Variants in C2orf92 observed in about 807,000 individuals in gnomAD.
C2orf92 encodes chromosome 2 open reading frame 92, also known as uncharacterized protein C2orf92.
intron 2 of C2orf92, 39 bp downstream of exon 2, chr2:97,674,596 C>G (rs1001877867): frequency 2.5e-6 from 1 of 398,358 alleles, no homozygotes; most frequent in African/African-American, 2.1e-5. Flanking sequence ...GTACATACCT[C>G]TACAGACCTC....
chr2:97,671,835 C>G lies in C2orf92; in HGVS notation c.46+2001C>G, dbSNP rs1259835309. The stretch of plus-strand genomic sequence containing the variant: ...GAGCTGAACCTCCTCCAGGGGTTCT[C>G]AGCCCTAACTGAGCATGAAAACCCC... On this transcript the variant is annotated intron_variant, in intron 1 of 7. Coordinates refer to ENST00000627399, the MANE Select transcript of C2orf92 (RefSeq NM_001351368.2). 1.7e-5 allele frequency: 4 copies of G among 239,134 alleles called. No individual in the cohort carries two copies. In the Admixed American group the frequency reaches 1.7e-4, roughly 10 times the overall value. The allele number at this position is 239,134 out of a possible 1,614,324, so 14.8% of individuals were successfully genotyped here.
chr2:97,697,119 C>A (rs746830590), intron 5 of C2orf92: 1 of 152,100 alleles, frequency 6.6e-6, no homozygotes, highest in African/African-American at 2.4e-5. Flanking sequence ...CATGGAAGGA[C>A]GGGAGAATTG....
chr2:97,676,449 GA>G (rs58388976), intron 3 of C2orf92, among the ~76,000 whole-genome samples: 5,019 of 99,130 alleles, frequency 0.051, 279 homozygotes, highest in African/African-American at 0.16. Flanking sequence ...AAAAAAAAAA[GA>G]AAAAAAAAAA....
In C2orf92 at chr2:97,674,483, A is replaced by T. The variant is rs900088705; in HGVS notation, c.74A>T (p.Lys25Met). 2.5e-6 allele frequency: 1 copy of T among 398,514 alleles called. No individual in the cohort carries two copies. Among genetic ancestry groups the T allele is most frequent in the Non-Finnish European group, 4.4e-6 (1 of 226,082 alleles). 24.7% of individuals were successfully genotyped at this position (398,514 alleles called of 1,614,324 possible). A position where few individuals can be genotyped will look rare whatever the true frequency, so the allele number is the denominator to read the frequency against. Residue 25 changes from lysine (K) to methionine (M), a missense_variant, in exon 2 of 8, where the codon AAG becomes ATG. Physicochemically the swap from Lys to Met is moderately conservative, Grantham distance 95 (BLOSUM62 -1). Coordinates refer to ENST00000627399, the MANE Select transcript of C2orf92 (RefSeq NM_001351368.2). The stretch of plus-strand genomic sequence containing the variant: ...GAAATTGTGCTCCAAGTGTTTTCCA[A>T]GGTTCCGTATGACCCATCATTTGAT... The part of the protein sequence containing the change: ...QDEIVLQVFS[K>M]VPYDPSFDET...
intron 1 of C2orf92, chr2:97,671,792 C>T (rs1352734138): frequency 6.7e-6 from 2 of 298,464 alleles, no homozygotes; most frequent in Non-Finnish European, 1.2e-5. Flanking sequence ...CCAGTTTCTG[C>T]TCTGAGGCCC....
upstream of C2orf92, chr2:97,667,112 C>T (rs1675256236): frequency 6.6e-6 from 1 of 151,906 alleles, no homozygotes; most frequent in South Asian, 2.1e-4. Flanking sequence ...ACTGTGTAGC[C>T]ATTAAAAATA....
rs998859371 is a variant in C2orf92 at position 97,702,762 on chromosome 2, A to C, written c.759A>C (p.Ala253=). ...AAGAAAAAAATTTCACAAAACTTGC[A>C]AAAAAACAGAAACAGTTGAAGAGCA... The part of the protein sequence containing the change: ...NSEEKNFTKL[A]KKQKQLKSSS... The change falls in exon 8 of 8, where the codon GCA becomes GCC. Residue 253 remains alanine, a synonymous_variant. Transcript: ENST00000627399. 1 of 398,852 alleles carries C rather than the reference A, an allele frequency of 2.5e-6. No homozygotes were observed. The highest frequency in any genetic ancestry group is 2.1e-5 in the African/African-American group (1 of 48,608). The allele number at this position is 398,852 out of a possible 1,614,324, so 24.7% of individuals were successfully genotyped here. A position where few individuals can be genotyped will look rare whatever the true frequency, so the allele number is the denominator to read the frequency against.
At chr2:97,694,493 C>G (rs1288439283) in intron 5 of C2orf92, 1 of 151,442 alleles carries the variant, frequency 6.6e-6, no homozygotes, top group Non-Finnish European at 1.5e-5. Flanking sequence ...ATCTCCTGAC[C>G]TCATGATCCG....
intron 5 of C2orf92, among the ~76,000 whole-genome samples, chr2:97,691,955 C>T (rs1676154862): frequency 6.6e-6 from 1 of 152,082 alleles, no homozygotes; most frequent in Admixed American, 6.6e-5. Context: ...GACTAGTTCC[C>T]CTTTTGCAGT....
intron 1 of C2orf92, among the ~76,000 whole-genome samples, chr2:97,673,166 T>A (rs992445542): frequency 6.6e-6 from 1 of 152,188 alleles, no homozygotes; most frequent in Non-Finnish European, 1.5e-5. Flanking sequence ...ATAGAACATT[T>A]TTACACAAGC....
At chr2:97,668,168 A>G (rs1675297977), upstream of C2orf92, 1 of 151,994 alleles carries the variant, frequency 6.6e-6, no homozygotes, top group Non-Finnish European at 1.5e-5. Context: ...GTTGTTTTAT[A>G]TATTCTTTGT....
At chr2:97,667,597 TA>T (rs1675275932), upstream of C2orf92, among the ~76,000 whole-genome samples, 1 of 151,886 alleles carries the variant, frequency 6.6e-6, no homozygotes, top group Non-Finnish European at 1.5e-5. Context: ...CACGCCTGGC[TA>T]ATTTTTTGTA....
intron 3 of C2orf92, among the ~76,000 whole-genome samples, chr2:97,684,453 C>T (rs1675887835): frequency 6.6e-6 from 1 of 152,138 alleles, no homozygotes; most frequent in Non-Finnish European, 1.5e-5. Context: ...TAGCTCATTA[C>T]CTTATACCAT....
chr2:97,664,032 C>T, upstream of C2orf92: 1 of 380,156 alleles, frequency 2.6e-6, no homozygotes, highest in Non-Finnish European at 4.3e-6. Flanking sequence ...ACGCGAGCCC[C>T]GCGGGGCTTT....
At chr2:97,684,035 T>G (rs1476104630) in intron 3 of C2orf92, among the ~76,000 whole-genome samples, 1 of 144,980 alleles carries the variant, frequency 6.9e-6, no homozygotes, top group African/African-American at 2.6e-5. Context: ...CAGCTAATTT[T>G]TTTTTTTTTT....
chr2:97,679,849 A>AG (rs1413446220), intron 3 of C2orf92, among the ~76,000 whole-genome samples: 3 of 151,198 alleles, frequency 2.0e-5, no homozygotes, highest in Non-Finnish European at 4.4e-5. Context: ...AAAAAAAAAA[A>AG]AAAAGAAAAA....
upstream of C2orf92, chr2:97,666,905 C>A (rs1194172992): frequency 6.6e-6 from 1 of 151,588 alleles, no homozygotes; most frequent in Non-Finnish European, 1.5e-5. Context: ...CTCTCCTAGG[C>A]TCCTGTTTTC....
chr2:97,698,355 C>T (rs1003978436), intron 5 of C2orf92, among the ~76,000 whole-genome samples: 21 of 152,272 alleles, frequency 1.4e-4, no homozygotes, highest in African/African-American at 4.3e-4. Flanking sequence ...CATATGCAAA[C>T]GAGTCAGGCA....
intron 3 of C2orf92, among the ~76,000 whole-genome samples, chr2:97,687,787 A>G (rs1168132248): frequency 2.0e-5 from 3 of 149,880 alleles, no homozygotes; most frequent in East Asian, 3.9e-4. Context: ...TCCCCACGGG[A>G]GCCATCACAG....
Sources: gnomAD v4.1 joint callset for allele counts (sites outside exome capture counted in the v4.1 genomes callset) on GRCh38, gnomAD v4.1.1 for gene constraint, MANE v1.5 for transcripts, NCBI Gene and HGNC (gene_info 2026-07-23, HGNC 2026-07-21) for gene names.